ABLIM1: variants seen among roughly 807,000 people sequenced by gnomAD.
ABLIM1 encodes the protein actin-binding LIM protein 1.
In ABLIM1, 40 loss-of-function variants were observed where a neutral mutation model predicts 107.0. The observed-to-expected ratio is 0.37, with a 90% CI of 0.29 to 0.49. The LOEUF (loss-of-function observed/expected upper bound fraction) is 0.49, where lower values mean the gene tolerates loss of function less well. Among genes scored for constraint, ABLIM1 ranks in the 20% least tolerant of loss-of-function variants. ABLIM1 has a pLI of 0.97. For missense variants in ABLIM1, 857 were observed against 1,008.5 expected (o/e 0.85, Z 2.04); for synonymous variants, 357 against 357.3 (o/e 1.00, Z 0.01).
intron 2 of ABLIM1, among the ~76,000 whole-genome samples, chr10:114,589,110 A>C (rs900075078): frequency 1.1e-4 from 16 of 152,168 alleles, no homozygotes; most frequent in Non-Finnish European, 2.4e-4. Context: ...AGTTTTAAAA[A>C]CACAAATTTT....
chr10:114,723,666 A>G lies in ABLIM1; in HGVS notation c.-213+44395T>C, dbSNP rs76605440. 5.4e-3 allele frequency among the ~76,000 whole-genome samples: 825 copies of G among 152,366 alleles called. 6 individuals carry two copies. Among genetic ancestry groups the G allele is most frequent in the African/African-American group, 0.019 (774 of 41,592 alleles). On this transcript the variant is annotated intron_variant, in intron 1 of 15. Coordinates refer to the ABLIM1 transcript ENST00000651092. ...TTTGCAGCCCGCCTGACATGCCTAC[A>G]TAAATTGAGTAGAAATAATTTGTGT...
intron 1 of ABLIM1, chr10:114,613,786 G>C: frequency 1.6e-6 from 2 of 1,274,584 alleles, no homozygotes; most frequent in Non-Finnish European, 2.1e-6. Flanking sequence ...AAACACCTAG[G>C]CTCCTGACTC....
chr10:114,653,861 T>C (rs2079369010), intron 1 of ABLIM1, among the ~76,000 whole-genome samples: 1 of 152,244 alleles, frequency 6.6e-6, no homozygotes, highest in African/African-American at 2.4e-5. Context: ...TTGCTGTTGT[T>C]AAGTGGGGGA....
At position 114,654,891 on chromosome 10, in the gene ABLIM1, T is replaced by C. The variant is rs1179106366; in HGVS notation, c.244+3066A>G. ...GGTTTCTTGGGGCCCTGGAGCTGGC[T>C]CCATTCTAGGGGACAAGCCTAGCAA... On this transcript the variant is annotated intron_variant, in intron 1 of 22. Transcript: ENST00000533213. Among the ~76,000 whole-genome samples, 4 of 152,170 alleles carry C rather than the reference T, an allele frequency of 2.6e-5. No homozygotes were observed. In the South Asian group the frequency reaches 6.2e-4, roughly 24 times the overall value.
At chr10:114,536,238 T>C (rs1286133676) in intron 6 of ABLIM1, among the ~76,000 whole-genome samples, 7,380 of 43,290 alleles carry the variant, frequency 0.17, 608 homozygotes, top group East Asian at 0.32. Context: ...TTTTTTTTTT[T>C]TTTTTTTTTT....
intron 10 of ABLIM1, among the ~76,000 whole-genome samples, chr10:114,470,421 CAAAAAAAA>C (rs10608392): frequency 1.1e-5 from 1 of 88,924 alleles, no homozygotes. Context: ...GACTCCACCT[CAAAAAAAA>C]AAAAAAAAAA....
chr10:114,483,973 T>G (rs1399024732), intron 8 of ABLIM1, among the ~76,000 whole-genome samples: 1 of 152,202 alleles, frequency 6.6e-6, no homozygotes, highest in Non-Finnish European at 1.5e-5. Flanking sequence ...GCCGGGCTGG[T>G]TGAGTCCTCT....
At chr10:114,542,438 G>GA (rs375774485) in intron 6 of ABLIM1, among the ~76,000 whole-genome samples, 8,724 of 96,328 alleles carry the variant, frequency 0.091, 434 homozygotes, top group African/African-American at 0.17. Context: ...AAAGAAAAAA[G>GA]AAAAAAAAAA....
In ABLIM1 at chr10:114,433,833, C is replaced by T. The variant is rs1180130876; in HGVS notation, c.*2427G>A. ...ATTTTAGCAAAACTACCTGATTATG[C>T]CCATGTTTCCCAAATACCTTGATTT... On this transcript the variant is annotated 3_prime_UTR_variant, in exon 23 of 23. Coordinates refer to ENST00000533213, the MANE Select transcript of ABLIM1 (RefSeq NM_002313.7). The T allele has an allele frequency of 2.0e-5, 3 of 152,166 alleles. No individual in the cohort carries two copies. The highest frequency in any genetic ancestry group is 1.9e-4 in the East Asian group (1 of 5,196). The allele number at this position is 152,166 out of a possible 1,614,324, so 9.4% of individuals were successfully genotyped here.
intron 8 of ABLIM1, among the ~76,000 whole-genome samples, chr10:114,484,104 G>A (rs1241550334): frequency 3.3e-5 from 5 of 152,172 alleles, no homozygotes; most frequent in African/African-American, 4.8e-5. Flanking sequence ...CTTCTTTCGG[G>A]TTTTTCTCTC....
chr10:114,654,920 A>T (rs758049925), intron 1 of ABLIM1, among the ~76,000 whole-genome samples: 2 of 152,168 alleles, frequency 1.3e-5, no homozygotes, highest in Non-Finnish European at 2.9e-5. Context: ...CTAGCAAGCA[A>T]TCACTTCCTC....
In ABLIM1 at chr10:114,575,578, T is replaced by C. The variant is rs1283172371; in HGVS notation, c.401A>G (p.Gln134Arg). 4.3e-6 allele frequency: 7 copies of C among 1,613,854 alleles called. No individual in the cohort carries two copies. The highest frequency in any genetic ancestry group is 5.1e-6 in the Non-Finnish European group (6 of 1,179,896). Residue 134 changes from glutamine to arginine, a missense_variant, in exon 3 of 23, where the codon CAA (glutamine) becomes CGA (arginine). By Grantham distance (43) the Gln-to-Arg change is conservative. Transcript: ENST00000533213. Reference sequence around the variant, plus strand: ...TCCGTTCTTTATGAAGAAGCCCCCTTGTGCCAGGTCACAGCCACACACTGT... The same window carrying C: ...TCCGTTCTTTATGAAGAAGCCCCCTCGTGCCAGGTCACAGCCACACACTGT... ...TCKVCGCDLA[Q>R]GGFFIKNGEY...
chr10:114,704,332 A>C (rs56312216), intron 1 of ABLIM1, among the ~76,000 whole-genome samples: 733 of 56,714 alleles, frequency 0.013, 8 homozygotes, highest in Non-Finnish European at 0.018. Context: ...ATATATATAT[A>C]TATTGCGCGC....
upstream of ABLIM1, among the ~76,000 whole-genome samples, chr10:114,686,806 T>A (rs78588918): frequency 6.6e-6 from 1 of 151,898 alleles, no homozygotes; most frequent in African/African-American, 2.4e-5. Flanking sequence ...TTTTTTTTTT[T>A]AATAGAGACA....
chr10:114,559,084 T>C (rs1264735876), intron 4 of ABLIM1, among the ~76,000 whole-genome samples: 1 of 152,188 alleles, frequency 6.6e-6, no homozygotes, highest in Non-Finnish European at 1.5e-5. Flanking sequence ...TGGAGCATCA[T>C]TGCTTTCCAG....
In ABLIM1 at chr10:114,629,835, A is replaced by AAAACAAAC. The variant is rs146186005; in HGVS notation, c.245-27882_245-27875dup. 6.6e-6 allele frequency among the ~76,000 whole-genome samples: 1 copy of AAAACAAAC among 151,776 alleles called. No homozygotes were observed. Among genetic ancestry groups the AAAACAAAC allele is most frequent in the African/African-American group, 2.4e-5 (1 of 41,270 alleles). On this transcript the variant is annotated intron_variant, in intron 1 of 22. Coordinates refer to ENST00000533213, the MANE Select transcript of ABLIM1 (RefSeq NM_002313.7). The surrounding 1 kb of genome is among the most constrained non-coding windows in gnomAD (Gnocchi z 4.0). The stretch of plus-strand genomic sequence containing the variant: ...TATGGAAACCCTTGTGTACCTACCA[A>AAAACAAAC]AAACAAACAAACAAACAAACAAAAA...
chr10:114,634,167 C>G (rs1244274143), intron 1 of ABLIM1, among the ~76,000 whole-genome samples: 5 of 78,362 alleles, frequency 6.4e-5, no homozygotes, highest in African/African-American at 2.6e-4. Flanking sequence ...GAGTCTTGCT[C>G]TGTCGCCCAG....
chr10:114,575,632 T>C, intron 2 of ABLIM1, 33 bp from the exon 3 acceptor site: 1 of 1,595,542 alleles, frequency 6.3e-7, no homozygotes, highest in Middle Eastern at 1.8e-4. Flanking sequence ...CTGGTCATTA[T>C]CTGCCACACT....
chr10:114,503,806 C>T (rs1279053504), intron 6 of ABLIM1, among the ~76,000 whole-genome samples: 3 of 152,184 alleles, frequency 2.0e-5, no homozygotes, highest in Non-Finnish European at 4.4e-5. Flanking sequence ...TAAGTAAAAG[C>T]TGTGCAGTTT....
Sources: allele counts gnomAD v4.1 joint callset (sites outside exome capture counted in the v4.1 genomes callset), GRCh38; gene constraint gnomAD v4.1.1; non-coding constraint Gnocchi (gnomAD v3.1); transcripts MANE v1.5; gene names NCBI Gene and HGNC (gene_info 2026-07-23, HGNC 2026-07-21).